KYAT3: variants seen among roughly 807,000 people sequenced by gnomAD.
The protein encoded by KYAT3 is kynurenine--oxoglutarate transaminase 3.
KYAT3 carries 50 observed loss-of-function variants against 59.0 expected under a neutral mutation model. That is an observed-to-expected ratio of 0.85 (90% CI 0.68 to 1.07). The LOEUF (loss-of-function observed/expected upper bound fraction) is 1.07, where lower values mean the gene tolerates loss of function less well. Among genes scored for constraint, KYAT3 ranks in the 50% least tolerant of loss-of-function variants. The pLI, the probability that KYAT3 is intolerant of heterozygous loss-of-function variation, is 0.00. For synonymous variants in KYAT3, 148 were observed against 177.0 expected, an observed-to-expected ratio of 0.84 and a Z score of 1.30; for missense variants, 497 against 533.3, an observed-to-expected ratio of 0.93 and a Z score of 0.67.
chr1:88,928,848 A>C, the KYAT3 span, among the ~76,000 whole-genome samples: 1 of 152,136 alleles, frequency 6.6e-6, no homozygotes, highest in Non-Finnish European at 1.5e-5. Flanking sequence ...CAGTTACTAG[A>C]TACTTCTCTC....
In KYAT3 at chr1:88,961,678, G is replaced by C. The variant is rs553058151; in HGVS notation, c.541-172C>G. On this transcript the variant is annotated intron_variant, in intron 6 of 13. Transcript: ENST00000260508. ...AGGAACAGAAAAAAAACTAGAAAAA[G>C]ACTAACAAAGAAGATAAACAGAAAT... is the stretch of plus-strand genomic sequence containing the variant. 4.6e-5 allele frequency among the ~76,000 whole-genome samples: 7 copies of C among 152,152 alleles called. No individual in the cohort carries two copies. The East Asian group carries it at 1.4e-3, about 29-fold the overall frequency.
At chr1:88,939,154 C>T (rs921870803) in intron 13 of KYAT3, among the ~76,000 whole-genome samples, 14 of 152,128 alleles carry the variant, frequency 9.2e-5, no homozygotes, top group Non-Finnish European at 1.6e-4. Flanking sequence ...ATTTCCCTTA[C>T]TATGAAATAA....
intron 2 of KYAT3, chr1:88,982,196 G>GT: frequency 1.2e-6 from 1 of 831,330 alleles, no homozygotes; most frequent in Non-Finnish European, 1.5e-6. Flanking sequence ...TGAGATTTCA[G>GT]TTAGAAAACA....
At chr1:88,948,829 C>T (rs540300357) in intron 11 of KYAT3, among the ~76,000 whole-genome samples, 35 of 152,242 alleles carry the variant, frequency 2.3e-4, no homozygotes, top group Admixed American at 1.0e-3. Context: ...AAATTACACA[C>T]CAGAAGAGAG....
At position 88,961,104 on chromosome 1, in the gene KYAT3, A is replaced by G. The variant is rs878940604; in HGVS notation, c.787+63T>C. On this transcript the variant is annotated intron_variant, in intron 8 of 13. Transcript: ENST00000260508. ...TTAGAGTTGGTCTGGGATGCTTTCC[A>G]ATCAGTTCTTCCATATGTGCCCAAA... is the stretch of plus-strand genomic sequence containing the variant. The G allele has an allele frequency of 4.4e-6, 7 of 1,580,518 alleles. No individual in the cohort carries two copies. In the South Asian group the frequency reaches 7.9e-5, roughly 18 times the overall value.
chr1:88,956,421 C>A (rs983418433), intron 8 of KYAT3, among the ~76,000 whole-genome samples: 4 of 152,172 alleles, frequency 2.6e-5, no homozygotes, highest in Non-Finnish European at 5.9e-5. Flanking sequence ...TTAATAAAGA[C>A]ATTGATTCAT....
intron 2 of KYAT3, chr1:88,980,395 C>T (rs1677024696): frequency 6.6e-6 from 1 of 151,842 alleles, no homozygotes; most frequent in Non-Finnish European, 1.5e-5. Flanking sequence ...AGCAAGCCAA[C>T]TTTAACAAAA....
downstream of KYAT3, among the ~76,000 whole-genome samples, chr1:88,931,848 G>C (rs1022716397): frequency 4.3e-5 from 5 of 115,062 alleles, no homozygotes; most frequent in Middle Eastern, 8.2e-3. Context: ...CCCTCCCTTT[G>C]TATGGGAGCT....
In KYAT3 at chr1:88,982,796, T is replaced by G. The variant is rs1570838725; in HGVS notation, c.99+5456A>C. On this transcript the variant is annotated intron_variant, in intron 2 of 13. Coordinates refer to ENST00000260508, the MANE Select transcript of KYAT3 (RefSeq NM_001008661.3). Reference sequence around the variant, plus strand: ...TACAGAAGGGGGAAGCCCTCTTTCTTGTCTGCCAACCCTGTCACAACTTGA... The same window carrying G: ...TACAGAAGGGGGAAGCCCTCTTTCTGGTCTGCCAACCCTGTCACAACTTGA... 2.5e-6 allele frequency: 4 copies of G among 1,614,004 alleles called. No homozygotes were observed. The East Asian group carries it at 6.7e-5, about 27-fold the overall frequency.
chr1:88,932,206 C>T (rs114341662), downstream of KYAT3, among the ~76,000 whole-genome samples: 1,301 of 152,342 alleles, frequency 8.5e-3, 15 homozygotes, highest in African/African-American at 0.03. Flanking sequence ...CCTATGACAA[C>T]AGTGTTGATG....
chr1:88,956,463 G>A (rs909276962), intron 8 of KYAT3, among the ~76,000 whole-genome samples: 3 of 152,142 alleles, frequency 2.0e-5, no homozygotes, highest in African/African-American at 7.2e-5. Flanking sequence ...GCAACCACCA[G>A]GTGCTAAGGA....
chr1:88,944,331 C>A (rs1675353692), intron 11 of KYAT3, among the ~76,000 whole-genome samples: 1 of 152,162 alleles, frequency 6.6e-6, no homozygotes, highest in South Asian at 2.1e-4. Context: ...TCAAATTAAT[C>A]ATGTAAAACC....
chr1:88,955,271 C>T, intron 8 of KYAT3, 46 bp from the exon 9 acceptor site: 1 of 1,104,154 alleles, frequency 9.1e-7, no homozygotes, highest in Non-Finnish European at 1.4e-6. Flanking sequence ...TCCAATTAAT[C>T]ACATTTAGTA....
chr1:88,968,357 C>T (rs1002024095), intron 4 of KYAT3, among the ~76,000 whole-genome samples: 1 of 152,142 alleles, frequency 6.6e-6, no homozygotes, highest in Non-Finnish European at 1.5e-5. Flanking sequence ...GCTCAGGCTG[C>T]ATAAATGTTG....
intron 2 of KYAT3, chr1:88,981,540 C>G (rs1177393657): frequency 6.4e-6 from 1 of 156,076 alleles, no homozygotes; most frequent in Admixed American, 6.5e-5. Flanking sequence ...AACACTGATG[C>G]CTTCCTGAGA....
chr1:88,928,672 G>A, the KYAT3 span, among the ~76,000 whole-genome samples: 1 of 152,160 alleles, frequency 6.6e-6, no homozygotes, highest in Non-Finnish European at 1.5e-5. Flanking sequence ...CCCGGGGCAA[G>A]TGCCAGCCCA....
At chr1:88,928,570 G>A in the KYAT3 span, among the ~76,000 whole-genome samples, 2 of 152,158 alleles carry the variant, frequency 1.3e-5, no homozygotes, top group African/African-American at 4.8e-5. Context: ...CTTATGTCAA[G>A]GGAATCACTG....
rs866535900 is a variant in KYAT3 at position 88,955,152 on chromosome 1, C to T, written c.861G>A (p.Trp287Ter). 1 of 1,599,382 alleles carries T rather than the reference C, an allele frequency of 6.3e-7. No individual in the cohort carries two copies. Among genetic ancestry groups the T allele is most frequent in the Middle Eastern group, 1.7e-4 (1 of 6,026 alleles). ...ATTAAATTCTTACTCATCTTACCTT[C>T]CAGCCAGTTACACTGAAAGTCTTTC... ...SAGKTFSVTG[W>*]KLGWSIGPNH... Residue 287 changes from tryptophan (W) to a stop codon, truncating the protein, a stop_gained, in exon 9 of 14, where the codon TGG becomes TGA. Transcript: ENST00000260508. LOFTEE classifies it high-confidence loss of function.
chr1:88,986,712 C>A (rs761823493), intron 2 of KYAT3, among the ~76,000 whole-genome samples: 27 of 152,096 alleles, frequency 1.8e-4, no homozygotes, highest in Non-Finnish European at 2.4e-4. Flanking sequence ...CCCTTCCCGG[C>A]AGATTTTCAT....
Sources: allele counts gnomAD v4.1 joint callset (sites outside exome capture counted in the v4.1 genomes callset), GRCh38; gene constraint gnomAD v4.1.1; transcripts MANE v1.5; gene names NCBI Gene and HGNC (gene_info 2026-07-23, HGNC 2026-07-21).